The following ANKFN1 variants were observed in gnomAD, a reference collection of about 807,000 sequenced individuals.
ANKFN1 encodes the protein ankyrin repeat and fibronectin type III domain containing 1.
ANKFN1 carries 74 observed loss-of-function variants against 108.7 expected under a neutral mutation model. The observed-to-expected ratio is 0.68, with a 90% confidence interval of 0.56 to 0.83. The LOEUF (loss-of-function observed/expected upper bound fraction) is 0.83, where lower values mean the gene tolerates loss of function less well. Ranked by LOEUF, ANKFN1 falls within the 40% of genes least tolerant of loss-of-function variation. The pLI, the probability that ANKFN1 is intolerant of heterozygous loss-of-function variation, is 0.00. For missense variants in ANKFN1, 1,505 were observed against 1,382.3 expected (o/e 1.09, Z -1.41); for synonymous variants, 547 against 516.2 (o/e 1.06, Z -0.81).
chr17:56,150,841 C>T (rs1190727959), upstream of ANKFN1, among the ~76,000 whole-genome samples: 2 of 125,824 alleles, frequency 1.6e-5, no homozygotes, highest in Non-Finnish European at 3.3e-5. Flanking sequence ...ATATCAGTGA[C>T]ATTGCTGTCA....
chr17:56,090,861 G>A (rs1289180973), intron 4 of ANKFN1, among the ~76,000 whole-genome samples: 2 of 151,122 alleles, frequency 1.3e-5, no homozygotes, highest in Non-Finnish European at 3.0e-5. Flanking sequence ...TCCCAACAAG[G>A]CATCCCAAAG....
intron 4 of ANKFN1, among the ~76,000 whole-genome samples, chr17:56,079,971 A>ATT (rs1905226370): frequency 1.3e-5 from 2 of 152,248 alleles, no homozygotes; most frequent in South Asian, 4.1e-4. Flanking sequence ...CTCAGAGGAA[A>ATT]GGAACAGTTG....
intron 6 of ANKFN1, among the ~76,000 whole-genome samples, chr17:56,362,716 A>G (rs1328585591): frequency 6.6e-6 from 1 of 152,230 alleles, no homozygotes; most frequent in African/African-American, 2.4e-5. Flanking sequence ...TATAAGCCCA[A>G]AAACACAGAT....
At chr17:56,484,871 G>A (rs914220810) in intron 18 of ANKFN1, among the ~76,000 whole-genome samples, 2 of 152,138 alleles carry the variant, frequency 1.3e-5, no homozygotes, top group Admixed American at 6.6e-5. Context: ...AATGGCTTTG[G>A]TGGGGACAAT....
intron 4 of ANKFN1, among the ~76,000 whole-genome samples, chr17:56,091,733 T>A (rs537527888): frequency 6.6e-6 from 1 of 151,618 alleles, no homozygotes; most frequent in South Asian, 2.1e-4. Context: ...TGCTCAGGAT[T>A]GACCTAAGCT....
chr17:56,341,494 A>G (rs1015299226), intron 4 of ANKFN1, among the ~76,000 whole-genome samples: 2 of 152,014 alleles, frequency 1.3e-5, no homozygotes, highest in Admixed American at 1.3e-4. Flanking sequence ...TACCTAGTTT[A>G]TTGAGAGTTG....
In ANKFN1 at chr17:56,372,663, C is replaced by A. The variant is rs376484390; in HGVS notation, c.619C>A (p.Arg207=). ...CCCTTTAGTTGTCAGCCTGGAAAGC[C>A]GAGCAATGCACCTCAACACACTGGT... The part of the protein sequence containing the change: ...ESPHFVSLES[R]AMHLNTLVQE... Residue 207 remains arginine (R), a synonymous_variant, in exon 7 of 21, where the codon CGA becomes AGA. Coordinates refer to ENST00000682825, the MANE Select transcript of ANKFN1 (RefSeq NM_001370326.1). The A allele has an allele frequency of 6.2e-7, 1 of 1,611,974 alleles. No homozygotes were observed. The highest frequency in any genetic ancestry group is 1.3e-5 in the African/African-American group (1 of 74,698).
chr17:56,349,393 G>GA (rs397690706), intron 4 of ANKFN1, among the ~76,000 whole-genome samples: 73,080 of 146,352 alleles, frequency 0.5, 18,195 homozygotes, highest in Middle Eastern at 0.57. Context: ...TTAAAAGCTG[G>GA]AAAAAAAAAA....
At chr17:56,241,362 C>A (rs1263620176) in intron 3 of ANKFN1, among the ~76,000 whole-genome samples, 2 of 152,180 alleles carry the variant, frequency 1.3e-5, no homozygotes, top group Admixed American at 1.3e-4. Context: ...TTATATTTTT[C>A]TTGCAGAAAA....
chr17:56,215,310 C>T (rs1030764725), intron 2 of ANKFN1, among the ~76,000 whole-genome samples: 1 of 152,218 alleles, frequency 6.6e-6, no homozygotes, highest in Non-Finnish European at 1.5e-5. Context: ...TTTAACTTCT[C>T]TGTCTGACCT....
chr17:56,442,284 A>T (rs1416737388), intron 9 of ANKFN1, among the ~76,000 whole-genome samples: 2 of 152,240 alleles, frequency 1.3e-5, no homozygotes, highest in Admixed American at 6.5e-5. Context: ...CCAGTCAGGG[A>T]CTGGTTAAAT....
chr17:56,313,190 A>G (rs2045097141), intron 3 of ANKFN1, among the ~76,000 whole-genome samples: 1 of 151,902 alleles, frequency 6.6e-6, no homozygotes, highest in South Asian at 2.1e-4. Flanking sequence ...GTGCTGAAAT[A>G]AAGATTAATG....
In ANKFN1 at chr17:56,192,066, C is replaced by G. The variant is rs561933980; in HGVS notation, c.-70-20532C>G. ...TCGAGCCTTGGTTTTCAGCTCAATG[C>G]AACAGAACAGAGCCCTCAGAAATAA... On this transcript the variant is annotated intron_variant, in intron 1 of 20. Transcript: ENST00000682825. Among the ~76,000 whole-genome samples, 258 of 152,214 alleles carry G rather than the reference C, an allele frequency of 1.7e-3. 3 individuals are homozygous for G. The highest frequency in any genetic ancestry group is 6.0e-3 in the African/African-American group (248 of 41,504).
rs960073706 is a variant in ANKFN1, at chr17:56,246,072, C to T, written c.53+18115C>T. The stretch of plus-strand genomic sequence containing the variant: ...AAACAGGCACCTGCAATCAAAGTTC[C>T]TCCTTTCTATAGTTCCACACCACCA... On this transcript the variant is annotated intron_variant, in intron 3 of 20. Transcript: ENST00000682825. 5.3e-5 allele frequency among the ~76,000 whole-genome samples: 8 copies of T among 152,202 alleles called. No individual in the cohort carries two copies. The South Asian group carries it at 1.0e-3, about 20-fold the overall frequency.
intron 6 of ANKFN1, among the ~76,000 whole-genome samples, chr17:56,361,727 A>T (rs886276950): frequency 2.0e-5 from 3 of 152,006 alleles, no homozygotes; most frequent in Non-Finnish European, 1.5e-5. Context: ...ACTCCATGAG[A>T]TTGCTGTCAT....
chr17:56,246,721 A>T (rs1917980554), intron 3 of ANKFN1, among the ~76,000 whole-genome samples: 1 of 151,932 alleles, frequency 6.6e-6, no homozygotes, highest in Non-Finnish European at 1.5e-5. Context: ...GAAACTTCAC[A>T]TTTTCAATTA....
chr17:56,367,688 A>G (rs968958848), intron 6 of ANKFN1, among the ~76,000 whole-genome samples: 1 of 152,178 alleles, frequency 6.6e-6, no homozygotes, highest in Non-Finnish European at 1.5e-5. Flanking sequence ...ACCAACTGCA[A>G]TGAGAGAAAA....
chr17:56,236,600 T>A (rs1917173727), intron 3 of ANKFN1, among the ~76,000 whole-genome samples: 1 of 152,154 alleles, frequency 6.6e-6, no homozygotes, highest in African/African-American at 2.4e-5. Context: ...GCCAAGACTA[T>A]GGGGTTTTCT....
At chr17:56,227,841 A>T in intron 2 of ANKFN1, 76 bp from the exon 3 acceptor site, 1 of 1,209,990 alleles carries the variant, frequency 8.3e-7, no homozygotes, top group Non-Finnish European at 1.2e-6. Flanking sequence ...CAGTGGCTTC[A>T]AACGTGACTC....
Sources: gnomAD v4.1 joint callset for allele counts (sites outside exome capture counted in the v4.1 genomes callset) on GRCh38, gnomAD v4.1.1 for gene constraint, MANE v1.5 for transcripts, NCBI Gene and HGNC (gene_info 2026-07-23, HGNC 2026-07-21) for gene names.